GRIA4: variants seen among roughly 807,000 people sequenced by gnomAD.
GRIA4 encodes glutamate receptor 4.
Under a neutral mutation model 104.0 loss-of-function variants are expected in GRIA4, and 34 were observed. The observed-to-expected ratio is 0.33, with a 90% confidence interval of 0.25 to 0.44. The LOEUF is 0.44. Among genes scored for constraint, GRIA4 ranks in the 20% least tolerant of loss-of-function variants. The pLI, the probability that GRIA4 is intolerant of heterozygous loss-of-function variation, is 1.00. For synonymous variants in GRIA4, 386 were observed against 381.9 expected, an observed-to-expected ratio of 1.01 and a Z score of -0.13; for missense variants, 750 against 1,096.5, an observed-to-expected ratio of 0.68 and a Z score of 4.46.
chr11:105,801,896 A>G (rs1341854555), intron 4 of GRIA4, among the ~76,000 whole-genome samples: 1 of 152,154 alleles, frequency 6.6e-6, no homozygotes, highest in African/African-American at 2.4e-5. Context: ...TATGACACCT[A>G]GAGATGAGTC....
chr11:105,831,899 T>C (rs1943990160), intron 4 of GRIA4, among the ~76,000 whole-genome samples: 1 of 152,078 alleles, frequency 6.6e-6, no homozygotes, highest in South Asian at 2.1e-4. Flanking sequence ...CCTGGCTCTG[T>C]ACTTTCTAAA....
At chr11:105,635,138 G>T (rs888317793) in intron 3 of GRIA4, among the ~76,000 whole-genome samples, 1 of 152,008 alleles carries the variant, frequency 6.6e-6, no homozygotes, top group Admixed American at 6.6e-5. Flanking sequence ...AAATATAGTA[G>T]TCTTATATTT....
At chr11:105,848,176 GC>G in intron 4 of GRIA4, among the ~76,000 whole-genome samples, 1 of 152,194 alleles carries the variant, frequency 6.6e-6, no homozygotes, top group African/African-American at 2.4e-5. Flanking sequence ...TAAAAAAATA[GC>G]CTTTGTCTAA....
intron 5 of GRIA4, among the ~76,000 whole-genome samples, chr11:105,872,143 G>T (rs949035069): frequency 1.3e-5 from 2 of 152,032 alleles, no homozygotes; most frequent in African/African-American, 2.4e-5. Flanking sequence ...CTATGGCAAA[G>T]AAACCTCTTA....
intron 4 of GRIA4, among the ~76,000 whole-genome samples, chr11:105,800,152 T>C (rs912448624): frequency 1.5e-4 from 23 of 152,084 alleles, no homozygotes; most frequent in African/African-American, 5.6e-4. Context: ...TCTTAGAGTA[T>C]AGCTCTAGAG....
intron 3 of GRIA4, among the ~76,000 whole-genome samples, chr11:105,742,314 C>T (rs1939362780): frequency 6.6e-6 from 1 of 152,116 alleles, no homozygotes; most frequent in African/African-American, 2.4e-5. Flanking sequence ...ACATATCTTA[C>T]CTAATCTTTG....
intron 3 of GRIA4, 51 bp downstream of exon 3, chr11:105,612,485 A>T: frequency 7.1e-7 from 1 of 1,402,106 alleles, no homozygotes; most frequent in Non-Finnish European, 1.0e-6. Context: ...AAACCAAGCA[A>T]TGGAGTCCTC....
chr11:105,908,212 C>T (rs1293684879), intron 9 of GRIA4, among the ~76,000 whole-genome samples: 1 of 152,170 alleles, frequency 6.6e-6, no homozygotes, highest in African/African-American at 2.4e-5. Context: ...TACAAATCAC[C>T]TTTAGGAGTC....
chr11:105,819,546 A>C (rs1943503577), intron 4 of GRIA4, among the ~76,000 whole-genome samples: 1 of 152,160 alleles, frequency 6.6e-6, no homozygotes, highest in Non-Finnish European at 1.5e-5. Context: ...TCAGTTAAAG[A>C]ATACTTATAT....
chr11:105,858,222 G>A (rs1258950703), intron 4 of GRIA4, among the ~76,000 whole-genome samples: 1 of 151,888 alleles, frequency 6.6e-6, no homozygotes, highest in Non-Finnish European at 1.5e-5. Flanking sequence ...TCATTACTTT[G>A]AATTTATTTA....
intron 3 of GRIA4, among the ~76,000 whole-genome samples, chr11:105,614,777 T>A (rs2135249519): frequency 6.6e-6 from 1 of 151,894 alleles, no homozygotes; most frequent in Non-Finnish European, 1.5e-5. Context: ...TGGGAAAAAA[T>A]CAATAGTCAA....
At chr11:105,756,297 C>T (rs555029890) in intron 4 of GRIA4, among the ~76,000 whole-genome samples, 1 of 152,014 alleles carries the variant, frequency 6.6e-6, no homozygotes. Context: ...TAACTGTATA[C>T]CTGTCAAGTG....
chr11:105,628,943 C>T (rs1023313995), intron 3 of GRIA4, among the ~76,000 whole-genome samples: 1 of 152,046 alleles, frequency 6.6e-6, no homozygotes, highest in Non-Finnish European at 1.5e-5. Flanking sequence ...ACGCCATCAT[C>T]TCAGCCCAAA....
chr11:105,777,068 C>G (rs1941481707), intron 4 of GRIA4, among the ~76,000 whole-genome samples: 1 of 152,116 alleles, frequency 6.6e-6, no homozygotes, highest in Admixed American at 6.6e-5. Context: ...AACACACACA[C>G]ACTCATGCAC....
At chr11:105,767,260 A>G (rs1940987350) in intron 4 of GRIA4, among the ~76,000 whole-genome samples, 1 of 152,128 alleles carries the variant, frequency 6.6e-6, no homozygotes, top group Admixed American at 6.6e-5. Flanking sequence ...AATGATCAGG[A>G]ATGCTTGTTC....
At chr11:105,853,217 C>A (rs538555938) in intron 4 of GRIA4, among the ~76,000 whole-genome samples, 1 of 152,182 alleles carries the variant, frequency 6.6e-6, no homozygotes, top group South Asian at 2.1e-4. Flanking sequence ...TTTTTATGAA[C>A]CAAAAATATT....
Position 105,927,481 on chromosome 11 carries a change from T to G in GRIA4, c.2046+542T>G, listed in dbSNP as rs1282657514. Reference sequence around the variant, plus strand: ...CAAGAACTTTTCCATTCTAGGCCCCTCTCTAGGACATTGTATGGCATTTAG... The same window carrying G: ...CAAGAACTTTTCCATTCTAGGCCCCGCTCTAGGACATTGTATGGCATTTAG... On this transcript the variant is annotated intron_variant, in intron 13 of 16. Coordinates refer to ENST00000282499, the MANE Select transcript of GRIA4 (RefSeq NM_000829.4). Among the ~76,000 whole-genome samples, 3 of 152,192 alleles carry G rather than the reference T, an allele frequency of 2.0e-5. No individual in the cohort carries two copies. In the East Asian group the frequency reaches 5.8e-4, roughly 29 times the overall value.
At chr11:105,790,537 C>G (rs1364410705) in intron 4 of GRIA4, among the ~76,000 whole-genome samples, 1 of 152,184 alleles carries the variant, frequency 6.6e-6, no homozygotes, top group African/African-American at 2.4e-5. Flanking sequence ...CCCTGGCAAG[C>G]ACGGAGAATT....
chr11:105,692,196 C>A (rs1208529735), intron 3 of GRIA4, among the ~76,000 whole-genome samples: 1 of 151,570 alleles, frequency 6.6e-6, no homozygotes, highest in East Asian at 1.9e-4. Context: ...TATTAAGAAC[C>A]CCCCATGGGT....
Sources: allele counts gnomAD v4.1 joint callset (sites outside exome capture counted in the v4.1 genomes callset), GRCh38; gene constraint gnomAD v4.1.1; transcripts MANE v1.5; gene names NCBI Gene and HGNC (gene_info 2026-07-23, HGNC 2026-07-21).